ADCY2: variants seen among roughly 807,000 people sequenced by gnomAD.
ADCY2 encodes the protein adenylate cyclase type 2.
In ADCY2, 31 loss-of-function variants were observed where a neutral mutation model predicts 125.2. That is an observed-to-expected ratio of 0.25 (90% CI 0.19 to 0.33). ADCY2 has a LOEUF of 0.33. Among genes scored for constraint, ADCY2 ranks in the 10% least tolerant of loss-of-function variants. The probability of loss-of-function intolerance (pLI) is 1.00; values close to 1 mark genes in which losing one functional copy is unlikely to be tolerated. For missense variants in ADCY2, 904 were observed against 1,418.2 expected (o/e 0.64, Z 5.82); for synonymous variants, 512 against 548.4 (o/e 0.93, Z 0.93).
intron 2 of ADCY2, among the ~76,000 whole-genome samples, chr5:7,440,903 C>G (rs868786957): frequency 1.3e-5 from 2 of 152,188 alleles, no homozygotes; most frequent in Middle Eastern, 3.2e-3. Flanking sequence ...CCCACTGGAG[C>G]TAGAACAGCC....
At chr5:7,754,371 A>G (rs1037880835) in intron 15 of ADCY2, among the ~76,000 whole-genome samples, 1 of 152,334 alleles carries the variant, frequency 6.6e-6, no homozygotes, top group Non-Finnish European at 1.5e-5. Flanking sequence ...GTGATATGCA[A>G]TCTTAGCTAG....
At chr5:7,520,199 C>T (rs1056890818) in intron 2 of ADCY2, among the ~76,000 whole-genome samples, 6 of 152,232 alleles carry the variant, frequency 3.9e-5, no homozygotes, top group Middle Eastern at 3.4e-3. Flanking sequence ...TGTTTAACTT[C>T]GAGGAATTGC....
At chr5:7,803,441 G>A (rs1744662675) in intron 21 of ADCY2, among the ~76,000 whole-genome samples, 1 of 152,174 alleles carries the variant, frequency 6.6e-6, no homozygotes, top group African/African-American at 2.4e-5. Context: ...CCTCCTGAGC[G>A]GGTATAGACC....
At chr5:7,482,224 C>T (rs909782518) in intron 2 of ADCY2, among the ~76,000 whole-genome samples, 1 of 152,078 alleles carries the variant, frequency 6.6e-6, no homozygotes, top group Non-Finnish European at 1.5e-5. Context: ...TTGTATGTAT[C>T]CTTTTGAGAA....
intron 3 of ADCY2, among the ~76,000 whole-genome samples, chr5:7,576,547 G>A (rs1260343064): frequency 2.0e-4 from 31 of 152,182 alleles, no homozygotes; most frequent in Admixed American, 2.0e-3. Flanking sequence ...AATTGCAAGG[G>A]CTCTTGGGTA....
chr5:7,496,858 A>G (rs1743362579), intron 2 of ADCY2, among the ~76,000 whole-genome samples: 1 of 152,196 alleles, frequency 6.6e-6, no homozygotes, highest in African/African-American at 2.4e-5. Flanking sequence ...AATATTTTAT[A>G]TGAATATATC....
chr5:7,668,539 G>A (rs1739831936), intron 4 of ADCY2, among the ~76,000 whole-genome samples: 1 of 152,278 alleles, frequency 6.6e-6, no homozygotes, highest in Non-Finnish European at 1.5e-5. Context: ...GAAATCAGAA[G>A]AATAACATGG....
In ADCY2 at chr5:7,706,897, C is replaced by G; in HGVS notation, c.1263C>G (p.Val421=). The G allele has an allele frequency of 6.2e-7, 1 of 1,614,056 alleles. No homozygotes were observed. Among genetic ancestry groups the G allele is most frequent in the Non-Finnish European group, 8.5e-7 (1 of 1,179,992 alleles). ...TLANHMEAGG[V]PGRVHISSVT... is the part of the protein sequence containing the mutation. ...CCAACCACATGGAAGCTGGAGGGGT[C>G]CCTGGGTAAGGCCAAGCATTGGATT... The change falls in exon 8 of 25, where the codon GTC becomes GTG. Residue 421 remains valine, a synonymous_variant. Coordinates refer to ENST00000338316, the MANE Select transcript of ADCY2 (RefSeq NM_020546.3).
chr5:7,691,712 C>T (rs1740711294), intron 5 of ADCY2: 1 of 152,348 alleles, frequency 6.6e-6, no homozygotes, highest in Non-Finnish European at 1.5e-5. Flanking sequence ...TATGTTAATA[C>T]ACTGCTTTGC....
At chr5:7,763,042 CTTTGT>C (rs1320669983) in intron 16 of ADCY2, among the ~76,000 whole-genome samples, 146 of 138,348 alleles carry the variant, frequency 1.1e-3, no homozygotes, top group Middle Eastern at 7.5e-3. Context: ...CTTTCATTTT[CTTTGT>C]TTTTTTTGTT....
intron 2 of ADCY2, among the ~76,000 whole-genome samples, chr5:7,514,673 A>C (rs559275263): frequency 6.6e-5 from 10 of 152,264 alleles, no homozygotes; most frequent in Non-Finnish European, 1.3e-4. Flanking sequence ...ATTTAGGATC[A>C]GTCCCAAATC....
chr5:7,658,557 C>T (rs1458575290), intron 4 of ADCY2, among the ~76,000 whole-genome samples: 1 of 151,970 alleles, frequency 6.6e-6, no homozygotes, highest in East Asian at 1.9e-4. Context: ...GTAGCTGGGA[C>T]TACAAGCATG....
chr5:7,698,830 C>T (rs1345082835), intron 7 of ADCY2, among the ~76,000 whole-genome samples: 4 of 152,158 alleles, frequency 2.6e-5, no homozygotes, highest in Non-Finnish European at 5.9e-5. Flanking sequence ...CTATTGTGAA[C>T]AGTCCTGCAA....
intron 2 of ADCY2, among the ~76,000 whole-genome samples, chr5:7,467,772 A>G (rs978034474): frequency 1.3e-5 from 2 of 152,222 alleles, no homozygotes; most frequent in Non-Finnish European, 2.9e-5. Context: ...GATAAAATAA[A>G]TCATTGCTGC....
rs1164760341 is a variant in ADCY2, at chr5:7,709,595, T to G, written c.1578+208T>G. 2.0e-5 allele frequency among the ~76,000 whole-genome samples: 3 copies of G among 152,240 alleles called. No homozygotes were observed. On this transcript the variant is annotated intron_variant, in intron 10 of 24. Transcript: ENST00000338316. The surrounding 1 kb of genome is among the most constrained non-coding windows in gnomAD (Gnocchi z 4.4). The stretch of plus-strand genomic sequence containing the variant: ...GCTAAGGGTTCCACCCTAGCGTGAT[T>G]TTGCATTATAGCTTCATAACCCAAG...
intron 4 of ADCY2, among the ~76,000 whole-genome samples, chr5:7,666,331 C>T (rs551028268): frequency 3.9e-5 from 6 of 151,972 alleles, no homozygotes; most frequent in African/African-American, 1.2e-4. Context: ...TGCAGTGGCG[C>T]GATCTCGGCT....
intron 2 of ADCY2, among the ~76,000 whole-genome samples, chr5:7,424,746 C>T (rs1740326462): frequency 1.3e-5 from 2 of 152,282 alleles, no homozygotes; most frequent in East Asian, 1.9e-4. Context: ...ACTAACTTAG[C>T]CCAAGGAATA....
intron 3 of ADCY2, among the ~76,000 whole-genome samples, chr5:7,534,572 A>T (rs571948169): frequency 5.3e-5 from 8 of 152,244 alleles, no homozygotes; most frequent in Admixed American, 2.0e-4. Flanking sequence ...CTTTTCTAAG[A>T]TCTCTAGCCA....
chr5:7,624,094 G>T (rs1240013599), intron 3 of ADCY2, among the ~76,000 whole-genome samples: 1 of 152,074 alleles, frequency 6.6e-6, no homozygotes, highest in African/African-American at 2.4e-5. Flanking sequence ...CATCATTCTG[G>T]ACCCCACTTC....
Sources: gnomAD v4.1 joint callset for allele counts (sites outside exome capture counted in the v4.1 genomes callset) on GRCh38, gnomAD v4.1.1 for gene constraint, Gnocchi (gnomAD v3.1) non-coding constraint, MANE v1.5 for transcripts, NCBI Gene and HGNC (gene_info 2026-07-23, HGNC 2026-07-21) for gene names.